STIM1: variants seen among roughly 807,000 people sequenced by gnomAD.
The protein encoded by STIM1 is stromal interaction molecule 1.
In STIM1, 25 loss-of-function variants were observed where a neutral mutation model predicts 74.7. The ratio of observed to expected loss-of-function variants is 0.33; its 90% confidence interval spans 0.24 to 0.47. The LOEUF (loss-of-function observed/expected upper bound fraction) is 0.47. STIM1 is among the 20% of genes least tolerant of loss of function. The pLI, the probability that STIM1 is intolerant of heterozygous loss-of-function variation, is 1.00. For missense variants in STIM1, 728 were observed against 920.8 expected (o/e 0.79, Z 2.71); for synonymous variants, 328 against 348.8 (o/e 0.94, Z 0.66).
chr11:3,889,964 T>C (rs1007234857), intron 1 of STIM1, among the ~76,000 whole-genome samples: 3 of 152,190 alleles, frequency 2.0e-5, no homozygotes, highest in Admixed American at 6.5e-5. Context: ...GAGAGGTACA[T>C]TGGGCAGGGA....
At chr11:4,031,077 A>C (rs1735783770) in intron 3 of STIM1, among the ~76,000 whole-genome samples, 1 of 152,058 alleles carries the variant, frequency 6.6e-6, no homozygotes, top group Non-Finnish European at 1.5e-5. Context: ...CCTAGCAACC[A>C]CTGGTCTGCT....
In STIM1 at chr11:4,013,797, C is replaced by T. The variant is rs554398863; in HGVS notation, c.271-10076C>T. Among the ~76,000 whole-genome samples the T allele has an allele frequency of 6.2e-4, 92 of 149,484 alleles. 1 individual carries two copies. The highest frequency in any genetic ancestry group is 1.6e-3 in the African/African-American group (64 of 40,146). ...TTGGCTCACTGCAAGCTCCTCCTCC[C>T]GGTTTCACGCCATTCTCCTGCCTCC... On this transcript the variant is annotated intron_variant, in intron 2 of 12. Coordinates refer to ENST00000526596, the MANE Select transcript of STIM1 (RefSeq NM_001382567.1).
intron 1 of STIM1, among the ~76,000 whole-genome samples, chr11:3,884,585 G>A (rs1317467143): frequency 2.0e-5 from 3 of 152,230 alleles, no homozygotes; most frequent in Admixed American, 6.5e-5. Context: ...CTTGGGGCCT[G>A]TTCTGTTTAG....
At chr11:3,868,856 T>G (rs2090968254) in intron 1 of STIM1, among the ~76,000 whole-genome samples, 1 of 152,256 alleles carries the variant, frequency 6.6e-6, no homozygotes, top group Non-Finnish European at 1.5e-5. Flanking sequence ...GTTTATTATG[T>G]GTTATAAGAC....
intron 3 of STIM1, among the ~76,000 whole-genome samples, chr11:4,037,561 C>T (rs988071105): frequency 2.6e-5 from 4 of 152,186 alleles, no homozygotes; most frequent in African/African-American, 9.6e-5. Flanking sequence ...GTAATCTTTG[C>T]TCTGAAATCT....
At chr11:4,052,009 G>T (rs966168022) in intron 3 of STIM1, among the ~76,000 whole-genome samples, 1 of 152,132 alleles carries the variant, frequency 6.6e-6, no homozygotes, top group Non-Finnish European at 1.5e-5. Flanking sequence ...ATTCACAATT[G>T]CTTCAAAGAG....
At chr11:4,065,715 T>C (rs76375258) in intron 5 of STIM1, among the ~76,000 whole-genome samples, 2,264 of 152,228 alleles carry the variant, frequency 0.015, 62 homozygotes, top group African/African-American at 0.052. Flanking sequence ...ATGCTATCTA[T>C]GGAGTACCTG....
intron 4 of STIM1, among the ~76,000 whole-genome samples, chr11:4,058,114 A>G (rs1418052514): frequency 6.6e-6 from 1 of 152,240 alleles, no homozygotes; most frequent in Admixed American, 6.5e-5. Flanking sequence ...CATTAGTCAG[A>G]CGAACTGCAG....
intron 3 of STIM1, among the ~76,000 whole-genome samples, chr11:4,032,806 A>T (rs2094062617): frequency 6.6e-6 from 1 of 152,234 alleles, no homozygotes; most frequent in Admixed American, 6.5e-5. Flanking sequence ...AAATCATGGT[A>T]AAATACATAT....
In STIM1 at chr11:4,036,673, A is replaced by G. The variant is rs2094105694; in HGVS notation, c.385+12686A>G. 2.6e-5 allele frequency among the ~76,000 whole-genome samples: 4 copies of G among 152,272 alleles called. No individual in the cohort carries two copies. In the South Asian group the frequency reaches 6.2e-4, roughly 24 times the overall value. ...ATCTTCTTTTGAGAAGTATCTGTTC[A>G]TGTCTTTTGCCCACTTTTTAATGGG... is the stretch of plus-strand genomic sequence containing the variant. On this transcript the variant is annotated intron_variant, in intron 3 of 12. Transcript: ENST00000526596.
At chr11:3,890,029 T>C (rs2091848219) in intron 1 of STIM1, among the ~76,000 whole-genome samples, 1 of 152,178 alleles carries the variant, frequency 6.6e-6, no homozygotes, top group Non-Finnish European at 1.5e-5. Context: ...TAGCTCCTCA[T>C]TGGGATCTCC....
At position 4,092,160 on chromosome 11, in the gene STIM1, C is replaced by T. The variant is rs1390499915; in HGVS notation, c.*362C>T. The T allele has an allele frequency of 2.2e-5, 8 of 356,896 alleles. No individual in the cohort carries two copies. The East Asian group carries it at 2.6e-4, about 12-fold the overall frequency. The allele number at this position is 356,896 out of a possible 1,614,324, so 22.1% of individuals were successfully genotyped here. Reference sequence around the variant, plus strand: ...TTTGGTTTCTTGTTTCTGTCTCTTGCTTTCGGGCTCCTCCCTCCCACCACT... The same window carrying T: ...TTTGGTTTCTTGTTTCTGTCTCTTGTTTTCGGGCTCCTCCCTCCCACCACT... On this transcript the variant is annotated 3_prime_UTR_variant, in exon 13 of 13. Coordinates refer to ENST00000526596, the MANE Select transcript of STIM1 (RefSeq NM_001382567.1).
At chr11:4,087,447 T>G (rs959922687) in intron 12 of STIM1, among the ~76,000 whole-genome samples, 1 of 152,124 alleles carries the variant, frequency 6.6e-6, no homozygotes, top group Non-Finnish European at 1.5e-5. Context: ...GAGGAAACAC[T>G]GTATGCAGAG....
chr11:3,893,522 A>C (rs892763672), intron 1 of STIM1, among the ~76,000 whole-genome samples: 1 of 152,246 alleles, frequency 6.6e-6, no homozygotes, highest in Admixed American at 6.5e-5. Flanking sequence ...GTACACAGCC[A>C]AAATAACCAA....
chr11:3,973,615 G>A (rs1040371933), intron 2 of STIM1, among the ~76,000 whole-genome samples: 2 of 152,092 alleles, frequency 1.3e-5, no homozygotes, highest in African/African-American at 4.8e-5. Context: ...GCCCAGGCTG[G>A]TCTTGAACTC....
At chr11:3,934,779 C>T (rs1330124638) in intron 1 of STIM1, among the ~76,000 whole-genome samples, 2 of 152,228 alleles carry the variant, frequency 1.3e-5, no homozygotes, top group Non-Finnish European at 1.5e-5. Flanking sequence ...TTCAAACATG[C>T]AGTGCAGTAG....
At chr11:4,031,322 G>A (rs1001427263) in intron 3 of STIM1, among the ~76,000 whole-genome samples, 3 of 152,040 alleles carry the variant, frequency 2.0e-5, no homozygotes, top group African/African-American at 7.2e-5. Flanking sequence ...GCTGCTTTTA[G>A]TTTTTGGCTA....
intron 5 of STIM1, among the ~76,000 whole-genome samples, chr11:4,065,887 A>G (rs1485765783): frequency 1.3e-5 from 2 of 152,204 alleles, no homozygotes; most frequent in African/African-American, 4.8e-5. Context: ...GAATATCTAT[A>G]TCTGCCAGGG....
chr11:3,953,425 A>T (rs1165102347), intron 1 of STIM1, among the ~76,000 whole-genome samples: 2 of 152,192 alleles, frequency 1.3e-5, no homozygotes, highest in Admixed American at 6.5e-5. Flanking sequence ...CTCACCCCAC[A>T]GCCCTTGCTT....
Sources: gnomAD v4.1 joint callset for allele counts (sites outside exome capture counted in the v4.1 genomes callset) on GRCh38, gnomAD v4.1.1 for gene constraint, MANE v1.5 for transcripts, NCBI Gene and HGNC (gene_info 2026-07-23, HGNC 2026-07-21) for gene names.